Variants in GRID2 observed in about 807,000 individuals in gnomAD.
GRID2 encodes glutamate receptor ionotropic, delta-2.
A neutral mutation model predicts 114.8 loss-of-function variants in GRID2; 33 were observed. The observed-to-expected ratio is 0.29, with a 90% CI of 0.22 to 0.38. The LOEUF is 0.38. Ranked by LOEUF, GRID2 falls within the 10% of genes least tolerant of loss-of-function variation. GRID2 has a pLI of 1.00. For synonymous variants in GRID2, 505 were observed against 449.9 expected, an observed-to-expected ratio of 1.12 and a Z score of -1.55; for missense variants, 1,184 against 1,257.7, an observed-to-expected ratio of 0.94 and a Z score of 0.89.
chr4:92,574,962 AG>A (rs1727813597), intron 1 of GRID2, among the ~76,000 whole-genome samples: 1 of 152,158 alleles, frequency 6.6e-6, no homozygotes, highest in African/African-American at 2.4e-5. Flanking sequence ...TACCCCAATC[AG>A]TTATAGATTC....
intron 11 of GRID2, among the ~76,000 whole-genome samples, chr4:93,476,040 T>TA (rs977507849): frequency 5.9e-5 from 9 of 151,884 alleles, no homozygotes; most frequent in Non-Finnish European, 8.8e-5. Context: ...ATCAGTAGGT[T>TA]AAAAAAAAGT....
At chr4:93,383,387 C>T (rs1008100441) in intron 8 of GRID2, among the ~76,000 whole-genome samples, 1 of 152,172 alleles carries the variant, frequency 6.6e-6, no homozygotes, top group Non-Finnish European at 1.5e-5. Flanking sequence ...TGCCATTGGA[C>T]TAAGGGTCAG....
intron 1 of GRID2, among the ~76,000 whole-genome samples, chr4:92,329,111 T>G (rs1005667951): frequency 6.6e-6 from 1 of 152,078 alleles, no homozygotes; most frequent in Admixed American, 6.6e-5. Flanking sequence ...TTTTTCCATG[T>G]CTAGCTTTCA....
intron 2 of GRID2, among the ~76,000 whole-genome samples, chr4:92,645,376 G>T: frequency 6.6e-6 from 1 of 151,592 alleles, no homozygotes; most frequent in East Asian, 1.9e-4. Context: ...CTATTTATTT[G>T]TAGTTGTAGT....
At chr4:92,767,207 A>G (rs112301512) in intron 2 of GRID2, among the ~76,000 whole-genome samples, 7 of 152,202 alleles carry the variant, frequency 4.6e-5, no homozygotes, top group Non-Finnish European at 8.8e-5. Context: ...CTTGAAAGCA[A>G]TATCTGGAGG....
intron 1 of GRID2, among the ~76,000 whole-genome samples, chr4:92,451,585 T>A (rs2149079067): frequency 6.6e-6 from 1 of 152,254 alleles, no homozygotes; most frequent in East Asian, 1.9e-4. Flanking sequence ...TATATAGAAT[T>A]TGATAAACTC....
At chr4:92,728,303 A>C (rs1353882571) in intron 2 of GRID2, among the ~76,000 whole-genome samples, 1 of 152,110 alleles carries the variant, frequency 6.6e-6, no homozygotes, top group Non-Finnish European at 1.5e-5. Flanking sequence ...TTATTATATC[A>C]CAATTGCTGT....
At chr4:92,626,260 C>T (rs1730516081) in intron 2 of GRID2, among the ~76,000 whole-genome samples, 1 of 151,786 alleles carries the variant, frequency 6.6e-6, no homozygotes, top group Non-Finnish European at 1.5e-5. Flanking sequence ...GAGCATCACA[C>T]AAAATGTAAC....
At chr4:93,629,616 A>C (rs927726522) in intron 14 of GRID2, among the ~76,000 whole-genome samples, 1 of 152,220 alleles carries the variant, frequency 6.6e-6, no homozygotes, top group Admixed American at 6.5e-5. Flanking sequence ...ATACATCAGC[A>C]TCCGGGGCCA....
intron 2 of GRID2, among the ~76,000 whole-genome samples, chr4:93,007,334 A>G (rs1721644273): frequency 1.3e-5 from 2 of 152,136 alleles, no homozygotes; most frequent in Admixed American, 6.5e-5. Flanking sequence ...TTTAGTTCTT[A>G]AGGATATTTT....
chr4:93,585,082 A>G (rs907237031), intron 13 of GRID2, among the ~76,000 whole-genome samples: 25 of 152,246 alleles, frequency 1.6e-4, no homozygotes, highest in African/African-American at 6.0e-4. Flanking sequence ...TACCTTGAGC[A>G]TCCCAAAAAA....
rs181549826 is a variant in GRID2 at position 93,676,818 on chromosome 4, C to T, written c.2360+50383C>T. Among the ~76,000 whole-genome samples the T allele has an allele frequency of 8.0e-5, 12 of 149,374 alleles. 1 individual carries two copies. Among genetic ancestry groups the T allele is most frequent in the African/African-American group, 3.0e-4 (12 of 40,434 alleles). On this transcript the variant is annotated intron_variant, in intron 14 of 15. Transcript: ENST00000282020. ...TTTCCGCAAGATGGCTGAATAGGAACAGCCCCGGTCTACAGCTCCTAGTGT... is the reference window on the plus strand; with the variant it reads ...TTTCCGCAAGATGGCTGAATAGGAATAGCCCCGGTCTACAGCTCCTAGTGT...
intron 8 of GRID2, among the ~76,000 whole-genome samples, chr4:93,342,263 A>C (rs1371886797): frequency 6.6e-6 from 1 of 152,038 alleles, no homozygotes; most frequent in Non-Finnish European, 1.5e-5. Context: ...GCACTAGCTA[A>C]ATTTGCTAAA....
At chr4:92,828,930 A>T (rs1018640251) in intron 2 of GRID2, among the ~76,000 whole-genome samples, 4 of 151,830 alleles carry the variant, frequency 2.6e-5, no homozygotes, top group Admixed American at 2.6e-4. Context: ...TGTCAGATGG[A>T]TAGATTGCAA....
chr4:93,209,205 G>T (rs1357880599), intron 5 of GRID2, among the ~76,000 whole-genome samples: 2 of 151,902 alleles, frequency 1.3e-5, no homozygotes, highest in East Asian at 3.9e-4. Flanking sequence ...CAGGCATTAA[G>T]CCTAGTGCTC....
At chr4:93,637,005 A>G (rs1320038383) in intron 14 of GRID2, among the ~76,000 whole-genome samples, 1 of 152,208 alleles carries the variant, frequency 6.6e-6, no homozygotes, top group Admixed American at 6.5e-5. Flanking sequence ...TTTCACAAAC[A>G]TAGTCATGTC....
At position 92,972,970 on chromosome 4, in the gene GRID2, G is replaced by T. The variant is rs1176827493; in HGVS notation, c.245-112025G>T. 2.6e-5 allele frequency among the ~76,000 whole-genome samples: 4 copies of T among 152,126 alleles called. No individual in the cohort carries two copies. In the East Asian group the frequency reaches 7.7e-4, roughly 29 times the overall value. Reference sequence around the variant, plus strand: ...TTTTATGGCTGCATAGTATTCCATGGTGTAAGTGTAACACAATTTTTTTAA... The same window carrying T: ...TTTTATGGCTGCATAGTATTCCATGTTGTAAGTGTAACACAATTTTTTTAA... On this transcript the variant is annotated intron_variant, in intron 2 of 15. Coordinates refer to ENST00000282020, the MANE Select transcript of GRID2 (RefSeq NM_001510.4).
At chr4:93,357,116 T>C (rs1408925943) in intron 8 of GRID2, among the ~76,000 whole-genome samples, 1 of 151,672 alleles carries the variant, frequency 6.6e-6, no homozygotes, top group African/African-American at 2.4e-5. Flanking sequence ...TCATATTAAG[T>C]AATCATTTTC....
intron 2 of GRID2, among the ~76,000 whole-genome samples, chr4:92,973,828 G>A (rs1217912601): frequency 6.6e-6 from 1 of 151,984 alleles, no homozygotes; most frequent in Non-Finnish European, 1.5e-5. Flanking sequence ...CTTTTATCAT[G>A]TGTTGATTAA....
Sources: gnomAD v4.1 joint callset for allele counts (sites outside exome capture counted in the v4.1 genomes callset) on GRCh38, gnomAD v4.1.1 for gene constraint, MANE v1.5 for transcripts, NCBI Gene and HGNC (gene_info 2026-07-23, HGNC 2026-07-21) for gene names.